HK2: variants seen among roughly 807,000 people sequenced by gnomAD.
HK2 encodes hexokinase 2.
A neutral mutation model predicts 92.9 loss-of-function variants in HK2; 42 were observed. The observed-to-expected ratio is 0.45, with a 90% CI of 0.35 to 0.58. The LOEUF (loss-of-function observed/expected upper bound fraction) is 0.58. Ranked by LOEUF, HK2 falls within the 20% of genes least tolerant of loss-of-function variation. The pLI, the probability that HK2 is intolerant of heterozygous loss-of-function variation, is 0.00. For synonymous variants in HK2, 422 were observed against 468.0 expected (o/e 0.90, Z 1.27); for missense variants, 978 against 1,245.1 (o/e 0.79, Z 3.23).
intron 2 of HK2, among the ~76,000 whole-genome samples, chr2:74,856,859 CT>C (rs1269189001): frequency 6.6e-6 from 1 of 152,198 alleles, no homozygotes; most frequent in African/African-American, 2.4e-5. Context: ...AGCCTGTGCA[CT>C]TGGCGCTGGA....
At chr2:74,875,310 G>A (rs1436922064) in intron 7 of HK2, among the ~76,000 whole-genome samples, 1 of 150,786 alleles carries the variant, frequency 6.6e-6, no homozygotes, top group Non-Finnish European at 1.5e-5. Flanking sequence ...GGGTAACCCA[G>A]GAGAGTCCTT....
Position 74,836,637 on chromosome 2 carries a change from T to C in HK2, c.63+1994T>C, listed in dbSNP as rs114608915. On this transcript the variant is annotated intron_variant, in intron 1 of 17. Transcript: ENST00000290573. ...GGGTGTATTTCCTCTAAACTACCAA[T>C]AGGGGCAGAATTGAATCAGGCCTTT... Among the ~76,000 whole-genome samples the C allele has an allele frequency of 9.7e-3, 1,481 of 152,286 alleles. 26 individuals carry two copies. Among genetic ancestry groups the C allele is most frequent in the African/African-American group, 0.034 (1,431 of 41,550 alleles).
At position 74,892,802 on chromosome 2, in the gene HK2, G is replaced by A. The variant is rs1007044501; in HGVS notation, c.*1861G>A. 1.2e-4 allele frequency: 19 copies of A among 152,164 alleles called. No individual in the cohort carries two copies. The highest frequency in any genetic ancestry group is 4.3e-4 in the African/African-American group (18 of 41,432). The allele number at this position is 152,164 out of a possible 1,614,324, so 9.4% of individuals were successfully genotyped here. ...GCCCAGGTCCTCCCGGGAGCACAGA[G>A]GGGCTAGGGGCTGGTCCTTCTCGTT... On this transcript the variant is annotated 3_prime_UTR_variant, in exon 18 of 18. Coordinates refer to ENST00000290573, the MANE Select transcript of HK2 (RefSeq NM_000189.5).
intron 17 of HK2, among the ~76,000 whole-genome samples, chr2:74,890,234 G>A (rs1689642586): frequency 6.6e-6 from 1 of 152,104 alleles, no homozygotes; most frequent in African/African-American, 2.4e-5. Context: ...GCTGTATTGG[G>A]GCAGATCACA....
chr2:74,890,664 G>T, intron 17 of HK2, 133 bp from the exon 18 acceptor site: 1 of 1,041,282 alleles, frequency 9.6e-7, no homozygotes. Flanking sequence ...ATACATTATA[G>T]CTGTCATCCT....
intron 12 of HK2, among the ~76,000 whole-genome samples, chr2:74,883,444 C>G (rs929789875): frequency 2.6e-5 from 4 of 152,092 alleles, no homozygotes; most frequent in Non-Finnish European, 5.9e-5. Flanking sequence ...AGCAGGCTGC[C>G]CATTGTGGAG....
chr2:74,852,625 A>G (rs1312288551), intron 1 of HK2, among the ~76,000 whole-genome samples: 2 of 152,160 alleles, frequency 1.3e-5, no homozygotes, highest in Non-Finnish European at 2.9e-5. Flanking sequence ...GGTAGATTCC[A>G]GGAGTTGGAA....
At chr2:74,890,291 G>A (rs1172433139) in intron 17 of HK2, among the ~76,000 whole-genome samples, 1 of 152,194 alleles carries the variant, frequency 6.6e-6, no homozygotes, top group African/African-American at 2.4e-5. Context: ...TGATCACTGT[G>A]ATATCCTAGC....
In HK2 at chr2:74,874,094, C is replaced by T; in HGVS notation, c.691+151C>T. 39 of 981,104 alleles carry T rather than the reference C, an allele frequency of 4.0e-5. 1 individual carries two copies. The South Asian group carries it at 5.3e-4, about 13-fold the overall frequency. The allele number at this position is 981,104 out of a possible 1,614,324, so 60.8% of individuals were successfully genotyped here. ...CACTTTGGAGAGCCGAGCAGGGACT[C>T]ATGGAGTTGGGGGTGGCAGAAGATT... On this transcript the variant is annotated intron_variant, in intron 6 of 17. Transcript: ENST00000290573.
intron 3 of HK2, among the ~76,000 whole-genome samples, chr2:74,871,602 A>G (rs532200960): frequency 6.6e-6 from 1 of 152,312 alleles, no homozygotes; most frequent in African/African-American, 2.4e-5. Context: ...GCGTGCGGTC[A>G]CGGTTGTGAG....
At chr2:74,838,440 C>T (rs375455628) in intron 1 of HK2, among the ~76,000 whole-genome samples, 10 of 152,066 alleles carry the variant, frequency 6.6e-5, no homozygotes, top group African/African-American at 9.7e-5. Flanking sequence ...GACCTGAGGC[C>T]GGTCCTGAGG....
At position 74,881,777 on chromosome 2, in the gene HK2, G is replaced by C; in HGVS notation, c.1637G>C (p.Arg546Pro). The C allele has an allele frequency of 6.2e-7, 1 of 1,614,184 alleles. No individual in the cohort carries two copies. The highest frequency in any genetic ancestry group is 8.5e-7 in the Non-Finnish European group (1 of 1,180,038). Residue 546 changes from arginine (R) to proline (P), a missense_variant, in exon 11 of 18, where the codon CGG becomes CCG. Coordinates refer to ENST00000290573, the MANE Select transcript of HK2 (RefSeq NM_000189.5). ...TNFRVLLVRV[R>P]NGKWGGVEMH... ...TTCCGGGTCCTGCTGGTCCGTGTTC[G>C]GAATGGGAAGTGGGGTGGAGTGGAG...
At chr2:74,841,152 C>A (rs1688306887) in intron 1 of HK2, among the ~76,000 whole-genome samples, 1 of 152,070 alleles carries the variant, frequency 6.6e-6, no homozygotes, top group Non-Finnish European at 1.5e-5. Context: ...AGAGACAAAG[C>A]CTATCTTTTT....
intron 1 of HK2, among the ~76,000 whole-genome samples, chr2:74,847,027 A>G (rs1207811987): frequency 1.3e-5 from 2 of 152,206 alleles, no homozygotes; most frequent in Non-Finnish European, 2.9e-5. Context: ...TAGGGTCTAG[A>G]AACTAAAAGG....
chr2:74,882,130 A>T lies in HK2; in HGVS notation c.1730A>T (p.His577Leu), dbSNP rs749196184. 1.2e-6 allele frequency: 2 copies of T among 1,614,190 alleles called. No individual in the cohort carries two copies. Among genetic ancestry groups the T allele is most frequent in the Non-Finnish European group, 1.7e-6 (2 of 1,180,030 alleles). Residue 577 changes from histidine to leucine, a missense_variant, in exon 12 of 18, where the codon CAC becomes CTC. His to Leu is a moderately conservative substitution (Grantham distance 99, BLOSUM62 -3). Coordinates refer to ENST00000290573, the MANE Select transcript of HK2 (RefSeq NM_000189.5). The stretch of plus-strand genomic sequence containing the variant: ...AACTTCTCCCTGCAGCTCTTTGACC[A>T]CATTGTCCAGTGCATCGCGGACTTC... ...MHGTGDELFDHIVQCIADFLE... is the reference protein window; with the variant it reads ...MHGTGDELFDLIVQCIADFLE...
intron 1 of HK2, among the ~76,000 whole-genome samples, chr2:74,836,257 T>C (rs1688162636): frequency 6.6e-6 from 1 of 152,200 alleles, no homozygotes; most frequent in Non-Finnish European, 1.5e-5. Context: ...TTTGAATCCT[T>C]GCATAAATTT....
chr2:74,880,938 G>A (rs1689376023), intron 10 of HK2, among the ~76,000 whole-genome samples: 1 of 152,222 alleles, frequency 6.6e-6, no homozygotes, highest in Admixed American at 6.5e-5. Flanking sequence ...GAAAATGTCG[G>A]AGCTGGGATT....
rs1688111815 is a variant in HK2, at chr2:74,834,822, G to A, written c.63+179G>A. Among the ~76,000 whole-genome samples, 1 of 147,458 alleles carries A rather than the reference G, an allele frequency of 6.8e-6. No homozygotes were observed. Among genetic ancestry groups the A allele is most frequent in the Non-Finnish European group, 1.5e-5 (1 of 64,536 alleles). On this transcript the variant is annotated intron_variant, in intron 1 of 17. Coordinates refer to ENST00000290573, the MANE Select transcript of HK2 (RefSeq NM_000189.5). This position sits in a 1 kb window ranked among gnomAD's most constrained non-coding sequence, Gnocchi z 4.2. ...GGAGCCACGTCCGCTAAGCACAGCC[G>A]GCGAGTGCGCGCGGGCGGGGAGCCG...
intron 1 of HK2, among the ~76,000 whole-genome samples, chr2:74,844,222 A>G (rs1278559903): frequency 7.1e-6 from 1 of 139,892 alleles, no homozygotes; most frequent in East Asian, 2.0e-4. Context: ...TAAGGAAACC[A>G]GATGTTGTGT....
Sources: allele counts gnomAD v4.1 joint callset (sites outside exome capture counted in the v4.1 genomes callset), GRCh38; gene constraint gnomAD v4.1.1; non-coding constraint Gnocchi (gnomAD v3.1); transcripts MANE v1.5; gene names NCBI Gene and HGNC (gene_info 2026-07-23, HGNC 2026-07-21).